SMCHD1: variants seen among roughly 807,000 people sequenced by gnomAD.
SMCHD1 encodes structural maintenance of chromosomes flexible hinge domain containing 1.
SMCHD1 carries 78 observed loss-of-function variants against 254.7 expected under a neutral mutation model. The observed-to-expected ratio is 0.31, with a 90% confidence interval of 0.26 to 0.37. SMCHD1 has a LOEUF of 0.37. SMCHD1 is among the 10% of genes least tolerant of loss of function. The probability of loss-of-function intolerance (pLI) is 1.00; values close to 1 mark genes in which losing one functional copy is unlikely to be tolerated. For synonymous variants in SMCHD1, 766 were observed against 794.9 expected (o/e 0.96, Z 0.61); for missense variants, 1,840 against 2,408.1 (o/e 0.76, Z 4.94).
At position 2,754,284 on chromosome 18, in the gene SMCHD1, A is replaced by G. The variant is rs192439710; in HGVS notation, c.4346+1732A>G. On this transcript the variant is annotated intron_variant, in intron 34 of 47. Coordinates refer to ENST00000320876, the MANE Select transcript of SMCHD1 (RefSeq NM_015295.3). The stretch of plus-strand genomic sequence containing the variant: ...ATTGTGTTGGGGGTTCCCAATACCA[A>G]TGCCAGGTTTGATGATTCACCAGGA... Among the ~76,000 whole-genome samples, 19 of 152,340 alleles carry G rather than the reference A, an allele frequency of 1.2e-4. 1 individual carries two copies. The highest frequency in any genetic ancestry group is 3.8e-4 in the African/African-American group (16 of 41,576).
At chr18:2,786,411 G>A (rs976187854) in intron 45 of SMCHD1, among the ~76,000 whole-genome samples, 1 of 152,080 alleles carries the variant, frequency 6.6e-6, no homozygotes, top group African/African-American at 2.4e-5. Context: ...AGAACATTAG[G>A]CTGGGCTTGG....
intron 28 of SMCHD1, 89 bp downstream of exon 28, chr18:2,740,910 A>T (rs573701650): frequency 4.1e-5 from 30 of 732,856 alleles, no homozygotes; most frequent in Admixed American, 2.7e-4. Context: ...ATAAGAAAAA[A>T]GTTTGATTTT....
At chr18:2,768,517 T>G (rs1170511997) in intron 37 of SMCHD1, among the ~76,000 whole-genome samples, 2 of 151,796 alleles carry the variant, frequency 1.3e-5, no homozygotes, top group Non-Finnish European at 2.9e-5. Context: ...AGAGAAACAT[T>G]TGGAGATATA....
intron 8 of SMCHD1, 26 bp from the exon 9 acceptor site, chr18:2,697,006 T>C (rs1363500016): frequency 4.9e-6 from 5 of 1,012,180 alleles, no homozygotes; most frequent in Admixed American, 3.1e-5. Context: ...GAATTAAAAG[T>C]ATAAAATTAT....
intron 1 of SMCHD1, among the ~76,000 whole-genome samples, chr18:2,657,475 A>T (rs2073104077): frequency 1.3e-5 from 2 of 152,340 alleles, no homozygotes; most frequent in South Asian, 4.1e-4. Flanking sequence ...CATTCTACAA[A>T]AGGGAAACTT....
chr18:2,672,631 A>G (rs2073642032), intron 3 of SMCHD1, among the ~76,000 whole-genome samples: 1 of 152,256 alleles, frequency 6.6e-6, no homozygotes, highest in African/African-American at 2.4e-5. Context: ...AAGGGATAAA[A>G]GCAGGAAATA....
At chr18:2,682,304 CT>C (rs2073949846) in intron 5 of SMCHD1, among the ~76,000 whole-genome samples, 1 of 149,648 alleles carries the variant, frequency 6.7e-6, no homozygotes, top group Non-Finnish European at 1.5e-5. Flanking sequence ...TTTTTCTTTT[CT>C]TTCTTCTTCT....
rs1379955354 is a variant in SMCHD1, at chr18:2,796,036, C to T, written c.5807C>T (p.Pro1936Leu). Residue 1936 changes from proline to leucine, a missense_variant, in exon 46 of 48, where the codon CCG becomes CTG. Transcript: ENST00000320876. ...AGTCAATTAGAGTACCTTCGCACTC[C>T]GGATATGAGGAAGAAAAAGCAAGAA... is the stretch of plus-strand genomic sequence containing the variant. ...LNSQLEYLRT[P>L]DMRKKKQELD... 2 of 1,588,322 alleles carry T rather than the reference C, an allele frequency of 1.3e-6. No homozygotes were observed. Among genetic ancestry groups the T allele is most frequent in the Non-Finnish European group, 1.7e-6 (2 of 1,167,188 alleles).
intron 5 of SMCHD1, among the ~76,000 whole-genome samples, chr18:2,687,240 C>G (rs2074073099): frequency 6.6e-6 from 1 of 152,178 alleles, no homozygotes; most frequent in Admixed American, 6.5e-5. Context: ...AAAAAAATTA[C>G]TTTTGTATGT....
In SMCHD1 at chr18:2,735,032, T is replaced by A. The variant is rs1343037389; in HGVS notation, c.3276+2540T>A. Among the ~76,000 whole-genome samples the A allele has an allele frequency of 6.0e-5, 9 of 151,242 alleles. No homozygotes were observed. The Admixed American group carries it at 6.0e-4, about 10-fold the overall frequency. On this transcript the variant is annotated intron_variant, in intron 25 of 47. Transcript: ENST00000320876. ...TTGCAGTGAGCCAAGATTGCGCCAC[T>A]GCACTCCAGCCTGGGAGACAGAGCA... is the stretch of plus-strand genomic sequence containing the variant.
intron 15 of SMCHD1, among the ~76,000 whole-genome samples, chr18:2,707,255 G>A (rs1424749422): frequency 1.3e-5 from 2 of 151,752 alleles, no homozygotes; most frequent in Non-Finnish European, 2.9e-5. Flanking sequence ...TTGATTCTTA[G>A]GGGTTATCCT....
intron 47 of SMCHD1, 48 bp downstream of exon 47, chr18:2,796,569 T>A: frequency 8.0e-7 from 1 of 1,242,778 alleles, no homozygotes; most frequent in East Asian, 2.5e-5. Flanking sequence ...TTACCAAAGT[T>A]CTTGGGTCTC....
At chr18:2,754,907 AG>A (rs2075644934) in intron 34 of SMCHD1, among the ~76,000 whole-genome samples, 1 of 151,978 alleles carries the variant, frequency 6.6e-6, no homozygotes, top group Non-Finnish European at 1.5e-5. Context: ...AGGCAGAGGC[AG>A]GCAGATCACA....
Position 2,729,302 on chromosome 18 carries a change from T to C in SMCHD1, c.2941T>C (p.Tyr981His). The C allele has an allele frequency of 6.5e-7, 1 of 1,536,980 alleles. No homozygotes were observed. Residue 981 changes from tyrosine (Y) to histidine (H), a missense_variant, in exon 24 of 48, where the codon TAT becomes CAT. By Grantham distance (83) the Tyr-to-His change is moderately conservative (BLOSUM62 2). Around this residue, in one of 9 missense-constraint regions of SMCHD1, gnomAD observed 881 missense variants for 1,009.5 expected, o/e 0.87. Coordinates refer to ENST00000320876, the MANE Select transcript of SMCHD1 (RefSeq NM_015295.3). The part of the protein sequence containing the change: ...KFSGAPNLPV[Y>H]VVDCSSSGTS... Reference sequence around the variant, plus strand: ...TTCAGGTGCTCCAAACCTTCCAGTCTATGTTGTAGATTGCAGTAGTTCTGG... The same window carrying C: ...TTCAGGTGCTCCAAACCTTCCAGTCCATGTTGTAGATTGCAGTAGTTCTGG...
intron 41 of SMCHD1, among the ~76,000 whole-genome samples, chr18:2,775,062 G>A (rs62077706): frequency 0.2 from 28,117 of 140,734 alleles, 2,966 homozygotes; most frequent in Admixed American, 0.27. Context: ...AGAAGCAAAA[G>A]GAACAATTTT....
At chr18:2,782,832 G>T (rs1198488176) in intron 44 of SMCHD1, among the ~76,000 whole-genome samples, 1 of 148,422 alleles carries the variant, frequency 6.7e-6, no homozygotes, top group African/African-American at 2.5e-5. Flanking sequence ...AGCACATGAA[G>T]CCAGTTTGTA....
At chr18:2,656,376 G>A (rs898669974) in intron 1 of SMCHD1, 115 bp downstream of exon 1, 55 of 1,020,354 alleles carry the variant, frequency 5.4e-5, no homozygotes, top group Non-Finnish European at 7.0e-5. Flanking sequence ...CGGTCCTGCG[G>A]CCTTGGCTTC....
chr18:2,694,710 G>C lies in SMCHD1; in HGVS notation c.1040+17G>C, dbSNP rs372311247. On this transcript the variant is annotated intron_variant, in intron 8 of 47. Coordinates refer to ENST00000320876, the MANE Select transcript of SMCHD1 (RefSeq NM_015295.3). ...ACAGTTAGCGTAAGTAATTATATTT[G>C]GCTTAGGAAATGTTGCTACTTAACT... 1 of 1,603,598 alleles carries C rather than the reference G, an allele frequency of 6.2e-7. No homozygotes were observed. The highest frequency in any genetic ancestry group is 8.5e-7 in the Non-Finnish European group (1 of 1,176,460).
intron 37 of SMCHD1, among the ~76,000 whole-genome samples, chr18:2,765,691 T>C (rs577048840): frequency 2.0e-5 from 3 of 152,374 alleles, no homozygotes; most frequent in East Asian, 1.9e-4. Context: ...CTCCTGTCAG[T>C]GTGTCTGGTT....
Sources: allele counts gnomAD v4.1 joint callset (sites outside exome capture counted in the v4.1 genomes callset), GRCh38; gene constraint gnomAD v4.1.1; regional missense constraint gnomAD v4.1.1; transcripts MANE v1.5; gene names NCBI Gene and HGNC (gene_info 2026-07-23, HGNC 2026-07-21).